The following ST3GAL2 variants were observed in gnomAD, a reference collection of about 807,000 sequenced individuals.
The protein encoded by ST3GAL2 is ST3 beta-galactoside alpha-2,3-sialyltransferase 2, also known as CMP-N-acetylneuraminate-beta-galactosamide-alpha-2,3-sialyltransferase 2.
ST3GAL2 carries 16 observed loss-of-function variants against 37.5 expected under a neutral mutation model. That is an observed-to-expected ratio of 0.43 (90% CI 0.29 to 0.65). ST3GAL2 has a LOEUF of 0.65. Ranked by LOEUF, ST3GAL2 falls within the 30% of genes least tolerant of loss-of-function variation. ST3GAL2 has a pLI of 0.17. For synonymous variants in ST3GAL2, 238 were observed against 202.9 expected, an observed-to-expected ratio of 1.17 and a Z score of -1.47; for missense variants, 383 against 487.8, an observed-to-expected ratio of 0.79 and a Z score of 2.02.
chr16:70,399,393 C>T lies in ST3GAL2; in HGVS notation c.-863G>A. On this transcript the variant is annotated 5_prime_UTR_variant, in exon 2 of 7. The change creates a premature stop within an existing upstream ORF in the 5' untranslated region. Coordinates refer to ENST00000342907, the MANE Select transcript of ST3GAL2 (RefSeq NM_006927.4). ...TTGTGCTGAGCTCCCTACCAGGGTC[C>T]AGGTCTCCTTCCTAATACTCCTGGC... The T allele has an allele frequency of 2.5e-6, 1 of 398,800 alleles. No individual in the cohort carries two copies. The highest frequency in any genetic ancestry group is 4.4e-6 in the Non-Finnish European group (1 of 226,242). 24.7% of individuals were successfully genotyped at this position (398,800 alleles called of 1,614,324 possible). A position where few individuals can be genotyped will look rare whatever the true frequency, so the allele number is the denominator to read the frequency against.
intron 4 of ST3GAL2, among the ~76,000 whole-genome samples, chr16:70,387,226 A>C (rs1242417905): frequency 6.6e-6 from 1 of 151,982 alleles, no homozygotes; most frequent in East Asian, 1.9e-4. Context: ...ACTGCACTCC[A>C]GTCTGGGCAA....
At chr16:70,393,649 C>T (rs561747880) in intron 3 of ST3GAL2, 4 of 152,290 alleles carry the variant, frequency 2.6e-5, no homozygotes, top group African/African-American at 9.7e-5. Context: ...CCTCTAAGAC[C>T]AGCTCCCATC....
intron 1 of ST3GAL2, among the ~76,000 whole-genome samples, chr16:70,412,718 T>A (rs2047647372): frequency 2.0e-5 from 3 of 152,160 alleles, no homozygotes; most frequent in Non-Finnish European, 4.4e-5. Flanking sequence ...ATGCTGTTTT[T>A]TCGAATCTGA....
intron 1 of ST3GAL2, among the ~76,000 whole-genome samples, chr16:70,426,174 C>T (rs928073673): frequency 6.7e-6 from 1 of 148,568 alleles, no homozygotes; most frequent in Non-Finnish European, 1.5e-5. Context: ...ATTATGGGGG[C>T]CAAAGCCTTT....
At position 70,377,274 on chromosome 16, in the gene ST3GAL2, A is replaced by G. The variant is rs1447303067; in HGVS notation, c.*4415T>C. 4 of 149,672 alleles carry G rather than the reference A, an allele frequency of 2.7e-5. No individual in the cohort carries two copies. In the East Asian group the frequency reaches 7.9e-4, roughly 30 times the overall value. The allele number at this position is 149,672 out of a possible 1,614,324, so 9.3% of individuals were successfully genotyped here. ...GGCAGGCGGATCACCTGACGTCAGG[A>G]GTTCAAGACCAGCCTGACCAACATG... On this transcript the variant is annotated 3_prime_UTR_variant, in exon 7 of 7. Transcript: ENST00000342907.
rs1202651737 is a variant in ST3GAL2, at chr16:70,378,221, T to C, written c.*3468A>G. ...TGTGGTCAGGAGTTCGAGACCAGCC[T>C]GGCCAACATGGTGAAACCCCGTCTC... On this transcript the variant is annotated 3_prime_UTR_variant, in exon 7 of 7. Transcript: ENST00000342907. The C allele has an allele frequency of 6.6e-6, 1 of 152,084 alleles. No homozygotes were observed. Among genetic ancestry groups the C allele is most frequent in the African/African-American group, 2.4e-5 (1 of 41,382 alleles). The allele number at this position is 152,084 out of a possible 1,614,324, so 9.4% of individuals were successfully genotyped here.
At chr16:70,434,624 T>C (rs2047813458) in intron 1 of ST3GAL2, among the ~76,000 whole-genome samples, 3 of 152,300 alleles carry the variant, frequency 2.0e-5, no homozygotes. Flanking sequence ...GTCTCAGTTC[T>C]TCATCTACAA....
chr16:70,395,598 C>CT (rs2047510224), intron 2 of ST3GAL2, among the ~76,000 whole-genome samples: 1 of 152,176 alleles, frequency 6.6e-6, no homozygotes, highest in Non-Finnish European at 1.5e-5. Context: ...GCAGAAGCCA[C>CT]GTCCAGGGTG....
chr16:70,395,234 G>T (rs2047507730), intron 2 of ST3GAL2, 59 bp from the exon 3 acceptor site: 4 of 1,524,732 alleles, frequency 2.6e-6, no homozygotes, highest in Non-Finnish European at 1.8e-6. Flanking sequence ...GAAGAAGGAG[G>T]GGCCCCGGCC....
chr16:70,426,053 T>C (rs977645938), intron 1 of ST3GAL2, among the ~76,000 whole-genome samples: 2 of 152,156 alleles, frequency 1.3e-5, no homozygotes, highest in African/African-American at 4.8e-5. Flanking sequence ...CCTTTTGCTG[T>C]CTAGCCATAC....
chr16:70,434,376 G>A (rs983837068), intron 1 of ST3GAL2, among the ~76,000 whole-genome samples: 1 of 151,846 alleles, frequency 6.6e-6, no homozygotes, highest in African/African-American at 2.4e-5. Context: ...GTCAGAGGTT[G>A]CAGTGAGCCG....
intron 1 of ST3GAL2, among the ~76,000 whole-genome samples, chr16:70,422,405 T>A (rs1470249340): frequency 6.6e-6 from 1 of 152,036 alleles, no homozygotes; most frequent in Non-Finnish European, 1.5e-5. Context: ...GGGGGACCAG[T>A]TAAAACCGGC....
At chr16:70,420,014 C>CG (rs889057932) in intron 1 of ST3GAL2, among the ~76,000 whole-genome samples, 4 of 126,500 alleles carry the variant, frequency 3.2e-5, no homozygotes, top group African/African-American at 5.4e-5. Context: ...CCATTTGACC[C>CG]CCCCCTTCCC....
At chr16:70,427,119 G>C (rs1479366109) in intron 1 of ST3GAL2, among the ~76,000 whole-genome samples, 1 of 152,108 alleles carries the variant, frequency 6.6e-6, no homozygotes, top group Non-Finnish European at 1.5e-5. Context: ...AAAGTGCTGA[G>C]ATTACAGACA....
At chr16:70,416,439 C>T (rs935029019) in intron 1 of ST3GAL2, among the ~76,000 whole-genome samples, 2 of 152,188 alleles carry the variant, frequency 1.3e-5, no homozygotes, top group African/African-American at 4.8e-5. Flanking sequence ...TAAAAGAACC[C>T]TAAGAACTCT....
intron 4 of ST3GAL2, 74 bp from the exon 5 acceptor site, chr16:70,383,309 G>T: frequency 1.4e-6 from 2 of 1,443,368 alleles, no homozygotes; most frequent in South Asian, 1.2e-5. Flanking sequence ...CCAGCACTTT[G>T]GGAGGCTGAG....
chr16:70,381,884 C>G, intron 6 of ST3GAL2, 22 bp from the exon 7 acceptor site: 1 of 1,611,420 alleles, frequency 6.2e-7, no homozygotes, highest in Non-Finnish European at 8.5e-7. Context: ...CGCAGCGGAG[C>G]GTCACCCCAG....
chr16:70,383,632 A>AAGAAGGGAAAGG (rs1555556688), intron 4 of ST3GAL2, among the ~76,000 whole-genome samples: 1 of 138,638 alleles, frequency 7.2e-6, no homozygotes, highest in Non-Finnish European at 1.5e-5. Context: ...GAGAAAGGAA[A>AAGAAGGGAAAGG]AGAAGGGAAA....
intron 4 of ST3GAL2, among the ~76,000 whole-genome samples, chr16:70,383,756 G>C (rs1323412630): frequency 1.3e-5 from 2 of 151,878 alleles, no homozygotes; most frequent in South Asian, 2.1e-4. Flanking sequence ...ACAACTTCCA[G>C]ACTGCTCTGC....
Sources: gnomAD v4.1 joint callset for allele counts (sites outside exome capture counted in the v4.1 genomes callset) on GRCh38, gnomAD v4.1.1 for gene constraint, MANE v1.5 for transcripts, NCBI Gene and HGNC (gene_info 2026-07-23, HGNC 2026-07-21) for gene names.